EIF4G3: variants seen among roughly 807,000 people sequenced by gnomAD.
The protein encoded by EIF4G3 is eukaryotic translation initiation factor 4 gamma 3, also known as eIF-4-gamma 3.
EIF4G3 carries 34 observed loss-of-function variants against 186.4 expected under a neutral mutation model. The ratio of observed to expected loss-of-function variants is 0.18; its 90% CI spans 0.14 to 0.24. The LOEUF (loss-of-function observed/expected upper bound fraction) is 0.24, where lower values mean the gene tolerates loss of function less well. EIF4G3 is among the 10% of genes least tolerant of loss of function. EIF4G3 has a pLI of 1.00. For synonymous variants in EIF4G3, 673 were observed against 679.5 expected (o/e 0.99, Z 0.15); for missense variants, 1,536 against 1,948.5 (o/e 0.79, Z 3.99).
intron 32 of EIF4G3, among the ~76,000 whole-genome samples, chr1:20,827,176 C>T (rs986262538): frequency 6.6e-6 from 1 of 152,156 alleles, no homozygotes. Flanking sequence ...CACAACACTT[C>T]CCCAAACCTC....
chr1:20,930,201 C>T lies in EIF4G3; in HGVS notation c.1663+11290G>A, dbSNP rs754481291. 2.6e-5 allele frequency among the ~76,000 whole-genome samples: 4 copies of T among 152,100 alleles called. No individual in the cohort carries two copies. In the East Asian group the frequency reaches 7.7e-4, roughly 29 times the overall value. ...TACCTTGATGATGATGGCTGCTGCC[C>T]TCATCAGGATGGTGGTTGCTGAGGC... On this transcript the variant is annotated intron_variant, in intron 14 of 36. Coordinates refer to ENST00000602326, the MANE Select transcript of EIF4G3 (RefSeq NM_001391906.1).
At chr1:20,916,035 A>G (rs2093824585) in intron 14 of EIF4G3, among the ~76,000 whole-genome samples, 1 of 152,184 alleles carries the variant, frequency 6.6e-6, no homozygotes, top group African/African-American at 2.4e-5. Flanking sequence ...GATATATAAA[A>G]ATCTATTATA....
chr1:20,820,538 C>CCCACCCTCA (rs2062080433), intron 33 of EIF4G3, among the ~76,000 whole-genome samples: 1 of 152,148 alleles, frequency 6.6e-6, no homozygotes, highest in Non-Finnish European at 1.5e-5. Context: ...CCAGTAAGGC[C>CCCACCCTCA]CCACCCTCAG....
At position 21,094,253 on chromosome 1, in the gene EIF4G3, C is replaced by G. The variant is rs561170926; in HGVS notation, c.-271-5040G>C. 1.1e-4 allele frequency among the ~76,000 whole-genome samples: 16 copies of G among 151,868 alleles called. No individual in the cohort carries two copies. In the East Asian group the frequency reaches 2.9e-3, roughly 28 times the overall value. Reference sequence around the variant, plus strand: ...GAACTAGAAATACCATTTGACCCAGCCACTCCATTACTGGGCATATACCCA... The same window carrying G: ...GAACTAGAAATACCATTTGACCCAGGCACTCCATTACTGGGCATATACCCA... On this transcript the variant is annotated intron_variant, in intron 2 of 36. Coordinates refer to ENST00000602326, the MANE Select transcript of EIF4G3 (RefSeq NM_001391906.1).
chr1:20,844,032 G>A (rs756014980), intron 29 of EIF4G3, among the ~76,000 whole-genome samples: 93 of 152,230 alleles, frequency 6.1e-4, no homozygotes, highest in Non-Finnish European at 7.5e-4. Flanking sequence ...TCTATGTACC[G>A]CATTTTCTTT....
At chr1:21,009,370 G>T (rs914733367) in intron 4 of EIF4G3, among the ~76,000 whole-genome samples, 3 of 152,144 alleles carry the variant, frequency 2.0e-5, no homozygotes, top group East Asian at 1.9e-4. Flanking sequence ...CGTGGAGATA[G>T]GGTCTTGCCA....
At chr1:21,037,710 C>A (rs1287223168) in intron 4 of EIF4G3, among the ~76,000 whole-genome samples, 1 of 152,292 alleles carries the variant, frequency 6.6e-6, no homozygotes, top group Admixed American at 6.5e-5. Flanking sequence ...TTAAGACTAG[C>A]CCAATTCACT....
intron 2 of EIF4G3, among the ~76,000 whole-genome samples, chr1:21,171,800 A>T (rs182745000): frequency 6.6e-6 from 1 of 152,334 alleles, no homozygotes; most frequent in African/African-American, 2.4e-5. Context: ...TTAGTCTAAG[A>T]TAAGATATCT....
intron 14 of EIF4G3, among the ~76,000 whole-genome samples, chr1:20,937,146 C>G (rs548218832): frequency 2.0e-4 from 31 of 152,154 alleles, no homozygotes; most frequent in African/African-American, 7.0e-4. Context: ...TCTGAGACTC[C>G]CAAATGGGTG....
chr1:21,044,484 G>A (rs1010000887), intron 4 of EIF4G3, among the ~76,000 whole-genome samples: 2 of 151,978 alleles, frequency 1.3e-5, no homozygotes, highest in African/African-American at 4.8e-5. Context: ...ACAATGAAAT[G>A]TGATGTTTTC....
chr1:21,167,492 T>C (rs1349088251), intron 2 of EIF4G3, among the ~76,000 whole-genome samples: 2 of 151,962 alleles, frequency 1.3e-5, no homozygotes, highest in African/African-American at 4.8e-5. Context: ...AATATATAAA[T>C]ACACTAGGTG....
chr1:20,887,067 T>C (rs2084411496), intron 18 of EIF4G3, among the ~76,000 whole-genome samples: 1 of 152,204 alleles, frequency 6.6e-6, no homozygotes, highest in African/African-American at 2.4e-5. Context: ...TATTCATAAT[T>C]ACTATCTTAA....
At chr1:20,912,695 T>A (rs1442741894) in intron 14 of EIF4G3, among the ~76,000 whole-genome samples, 1 of 152,220 alleles carries the variant, frequency 6.6e-6, no homozygotes, top group East Asian at 1.9e-4. Flanking sequence ...CTGGTTTTAA[T>A]CCCTTCTCAT....
chr1:21,132,907 C>T (rs1315720403), intron 2 of EIF4G3, among the ~76,000 whole-genome samples: 2 of 151,868 alleles, frequency 1.3e-5, no homozygotes, highest in East Asian at 3.9e-4. Context: ...CTCAGCCTCC[C>T]GAGTATCTAA....
chr1:20,817,692 T>G (rs944690176), intron 33 of EIF4G3, among the ~76,000 whole-genome samples, 154 bp from the exon 34 acceptor site: 7 of 148,820 alleles, frequency 4.7e-5, no homozygotes, highest in East Asian at 3.9e-4. Flanking sequence ...TTTTTTTTTT[T>G]TTTTTTTTTT....
Position 21,114,842 on chromosome 1 carries a change from A to C in EIF4G3, c.-271-25629T>G, listed in dbSNP as rs529125368. Reference sequence around the variant, plus strand: ...ATTATTAGCTCGGTTTGGTACCACTAACCTTGATTTGTGCTAAGGTGCCAG... The same window carrying C: ...ATTATTAGCTCGGTTTGGTACCACTCACCTTGATTTGTGCTAAGGTGCCAG... On this transcript the variant is annotated intron_variant, in intron 2 of 36. Transcript: ENST00000602326. Among the ~76,000 whole-genome samples, 4 of 152,314 alleles carry C rather than the reference A, an allele frequency of 2.6e-5. No individual in the cohort carries two copies. The East Asian group carries it at 7.7e-4, about 29-fold the overall frequency.
chr1:21,130,815 T>G (rs188747745), intron 2 of EIF4G3, among the ~76,000 whole-genome samples: 3 of 152,130 alleles, frequency 2.0e-5, no homozygotes, highest in Non-Finnish European at 4.4e-5. Flanking sequence ...ACAACATACA[T>G]GAATAGATGG....
At chr1:20,840,753 C>T in intron 30 of EIF4G3, 103 bp downstream of exon 30, 1 of 1,076,376 alleles carries the variant, frequency 9.3e-7, no homozygotes, top group Non-Finnish European at 1.4e-6. Flanking sequence ...ATACAATTTT[C>T]ATCTATGGAA....
chr1:21,093,148 T>C (rs1490985109), intron 2 of EIF4G3, among the ~76,000 whole-genome samples: 2 of 152,072 alleles, frequency 1.3e-5, no homozygotes, highest in Non-Finnish European at 2.9e-5. Flanking sequence ...GAAACTACCA[T>C]CAGAGTGAAC....
Sources: gnomAD v4.1 joint callset for allele counts (sites outside exome capture counted in the v4.1 genomes callset) on GRCh38, gnomAD v4.1.1 for gene constraint, MANE v1.5 for transcripts, NCBI Gene and HGNC (gene_info 2026-07-23, HGNC 2026-07-21) for gene names.